Variants in UBA6 observed in about 807,000 individuals in gnomAD.
UBA6 encodes the protein ubiquitin like modifier activating enzyme 6, also known as ubiquitin-like modifier-activating enzyme 6.
UBA6 carries 87 observed loss-of-function variants against 148.3 expected under a neutral mutation model. That is an observed-to-expected ratio of 0.59 (90% CI 0.49 to 0.70). The LOEUF (loss-of-function observed/expected upper bound fraction) is 0.70, where lower values mean the gene tolerates loss of function less well. Ranked by LOEUF, UBA6 falls within the 30% of genes least tolerant of loss-of-function variation. The pLI is 0.00. For synonymous variants in UBA6, 376 were observed against 401.0 expected (o/e 0.94, Z 0.75); for missense variants, 1,186 against 1,241.2 (o/e 0.96, Z 0.67).
chr4:67,673,391 G>A (rs1180863615), intron 7 of UBA6, among the ~76,000 whole-genome samples: 1 of 147,778 alleles, frequency 6.8e-6, no homozygotes, highest in Non-Finnish European at 1.5e-5. Context: ...ACTCCAGCCT[G>A]GGCGATAGAA....
chr4:67,652,974 C>T (rs993712067), intron 13 of UBA6, among the ~76,000 whole-genome samples: 12 of 152,308 alleles, frequency 7.9e-5, no homozygotes, highest in Non-Finnish European at 1.0e-4. Flanking sequence ...GGCGGGCATA[C>T]AGGTGTCCGC....
In UBA6 at chr4:67,631,889, C is replaced by T. The variant is rs1461467960; in HGVS notation, c.2162G>A (p.Cys721Tyr). ...TTTTAATCGTATGTCCAGAGGGAAA[C>T]AGTGAAGAAGCTGAAGAGCCTAAAG... Reference protein sequence around the residue: ...FNHKALQLLHCFPLDIRLKDG... With the variant: ...FNHKALQLLHYFPLDIRLKDG... Residue 721 changes from cysteine to tyrosine, a missense_variant, in exon 24 of 33, where the codon TGT becomes TAT. Coordinates refer to ENST00000322244, the MANE Select transcript of UBA6 (RefSeq NM_018227.6). 9 of 1,611,380 alleles carry T rather than the reference C, an allele frequency of 5.6e-6. No individual in the cohort carries two copies. Among genetic ancestry groups the T allele is most frequent in the South Asian group, 2.2e-5 (2 of 90,546 alleles).
chr4:67,700,890 G>C (rs1730964557), intron 1 of UBA6, among the ~76,000 whole-genome samples, 159 bp downstream of exon 1: 1 of 152,162 alleles, frequency 6.6e-6, no homozygotes, highest in South Asian at 2.1e-4. Flanking sequence ...AGCCCACGTC[G>C]CCACACCCAC....
In UBA6 at chr4:67,635,509, T is replaced by C; in HGVS notation, c.1786A>G (p.Thr596Ala). Reference protein sequence around the residue: ...RPLLDSGTMGTKGHTEVIVPH... With the variant: ...RPLLDSGTMGAKGHTEVIVPH... ...ACAATAACTTCAGTGTGTCCCTTAG[T>C]GCCCATTGTTCCAGAATCTAAAAGA... Residue 596 changes from threonine to alanine, a missense_variant, in exon 20 of 33, where the codon ACT becomes GCT. Transcript: ENST00000322244. 1.2e-6 allele frequency: 2 copies of C among 1,613,160 alleles called. No homozygotes were observed. The highest frequency in any genetic ancestry group is 8.5e-7 in the Non-Finnish European group (1 of 1,179,270).
At chr4:67,641,290 T>A (rs1034182217) in intron 17 of UBA6, 62 bp from the exon 18 acceptor site, 2 of 1,056,570 alleles carry the variant, frequency 1.9e-6, no homozygotes, top group African/African-American at 1.6e-5. Context: ...ATTTTTCTTT[T>A]CTCAGTATGA....
intron 2 of UBA6, among the ~76,000 whole-genome samples, chr4:67,683,136 A>C (rs1207479976): frequency 2.6e-5 from 4 of 152,186 alleles, no homozygotes; most frequent in Non-Finnish European, 5.9e-5. Context: ...ATTGGTACTC[A>C]AGACTTTTGT....
intron 2 of UBA6, among the ~76,000 whole-genome samples, chr4:67,696,001 TA>T (rs369435556): frequency 6.6e-4 from 100 of 152,298 alleles, no homozygotes; most frequent in African/African-American, 2.3e-3. Flanking sequence ...CTTTAATTAC[TA>T]AAAAAGTATT....
At chr4:67,640,843 C>T (rs1729288321) in intron 18 of UBA6, among the ~76,000 whole-genome samples, 1 of 152,130 alleles carries the variant, frequency 6.6e-6, no homozygotes, top group Non-Finnish European at 1.5e-5. Flanking sequence ...ACCAAAACCT[C>T]AAATTAGAAA....
At chr4:67,692,976 A>G (rs1730730524) in intron 2 of UBA6, among the ~76,000 whole-genome samples, 1 of 152,238 alleles carries the variant, frequency 6.6e-6, no homozygotes, top group African/African-American at 2.4e-5. Flanking sequence ...CAGGGGCACC[A>G]AAAAGAAACT....
intron 26 of UBA6, among the ~76,000 whole-genome samples, 164 bp from the exon 27 acceptor site, chr4:67,629,306 T>A (rs546893672): frequency 5.9e-5 from 9 of 151,778 alleles, no homozygotes; most frequent in Middle Eastern, 3.4e-3. Context: ...TATAAAAATA[T>A]CCCCCCATAA....
At chr4:67,628,599 A>G (rs1177532226) in intron 27 of UBA6, among the ~76,000 whole-genome samples, 2 of 151,846 alleles carry the variant, frequency 1.3e-5, no homozygotes, top group African/African-American at 4.8e-5. Context: ...TGTACTTATT[A>G]GCATTTTTGT....
intron 13 of UBA6, among the ~76,000 whole-genome samples, chr4:67,655,148 C>T (rs1448079273): frequency 6.6e-6 from 1 of 152,178 alleles, no homozygotes; most frequent in Non-Finnish European, 1.5e-5. Context: ...AGAAGGTTGA[C>T]AAGGATATCC....
intron 2 of UBA6, among the ~76,000 whole-genome samples, chr4:67,690,673 A>G (rs559712485): frequency 2.6e-5 from 4 of 152,310 alleles, no homozygotes; most frequent in African/African-American, 4.8e-5. Context: ...GCACATAGCC[A>G]ACAAGTATAT....
At chr4:67,696,870 A>G (rs919172319) in intron 1 of UBA6, among the ~76,000 whole-genome samples, 163 bp from the exon 2 acceptor site, 1 of 152,248 alleles carries the variant, frequency 6.6e-6, no homozygotes, top group Non-Finnish European at 1.5e-5. Context: ...AAATTAAATT[A>G]TCGGATTGCT....
chr4:67,636,247 C>T (rs1373179048), intron 19 of UBA6, among the ~76,000 whole-genome samples: 1 of 152,116 alleles, frequency 6.6e-6, no homozygotes, highest in Non-Finnish European at 1.5e-5. Flanking sequence ...AATAAATATG[C>T]ATATCAGTAA....
intron 28 of UBA6, among the ~76,000 whole-genome samples, chr4:67,625,725 G>A (rs911843154): frequency 6.6e-6 from 1 of 151,858 alleles, no homozygotes; most frequent in Admixed American, 6.6e-5. Flanking sequence ...ACTGGTCCAT[G>A]CTTAAAATCT....
At chr4:67,674,530 G>A (rs1202066721) in intron 6 of UBA6, among the ~76,000 whole-genome samples, 5 of 152,136 alleles carry the variant, frequency 3.3e-5, no homozygotes, top group South Asian at 2.1e-4. Context: ...GGACTTGGGG[G>A]ACGGGGGCGA....
rs35909302 is a variant in UBA6 at position 67,691,796 on chromosome 4, T to TA, written c.134+4848dup. 2.0e-3 allele frequency among the ~76,000 whole-genome samples: 288 copies of TA among 140,852 alleles called. 1 individual carries two copies. In the South Asian group the frequency reaches 0.022, roughly 11 times the overall value. The allele number at this position is 140,852 out of a possible 152,430, so 92.4% of individuals were successfully genotyped here. ...AATGAATCCAGTGGAAGGACCATTGTAAAAAAAAAAAAGAAAAGCCATCAT... is the reference window on the plus strand; with the variant it reads ...AATGAATCCAGTGGAAGGACCATTGTAAAAAAAAAAAAAGAAAAGCCATCAT... On this transcript the variant is annotated intron_variant, in intron 2 of 32. Coordinates refer to ENST00000322244, the MANE Select transcript of UBA6 (RefSeq NM_018227.6).
intron 29 of UBA6, 97 bp downstream of exon 29, chr4:67,624,895 CCT>C (rs1728829736): frequency 4.3e-6 from 4 of 933,222 alleles, no homozygotes; most frequent in Non-Finnish European, 6.2e-6. Context: ...TTTATCCTTC[CCT>C]CTCTAACATC....
Sources: gnomAD v4.1 joint callset for allele counts (sites outside exome capture counted in the v4.1 genomes callset) on GRCh38, gnomAD v4.1.1 for gene constraint, MANE v1.5 for transcripts, NCBI Gene and HGNC (gene_info 2026-07-23, HGNC 2026-07-21) for gene names.